The following OSBPL1A variants were observed in gnomAD, a reference collection of about 807,000 sequenced individuals.
OSBPL1A encodes oxysterol-binding protein-related protein 1.
A neutral mutation model predicts 137.1 loss-of-function variants in OSBPL1A; 80 were observed. The observed-to-expected ratio is 0.58, with a 90% CI of 0.49 to 0.70. The LOEUF is 0.70. OSBPL1A is among the 30% of genes least tolerant of loss of function. The probability of loss-of-function intolerance (pLI) is 0.00; values close to 1 mark genes in which losing one functional copy is unlikely to be tolerated. For missense variants in OSBPL1A, 970 were observed against 1,129.4 expected (o/e 0.86, Z 2.02); for synonymous variants, 365 against 389.7 (o/e 0.94, Z 0.75).
At chr18:24,178,482 G>A (rs1025173084) in intron 20 of OSBPL1A, among the ~76,000 whole-genome samples, 6 of 86 alleles carry the variant, frequency 0.07, no homozygotes, top group Non-Finnish European at 0.1. Context: ...AGTAGAGACG[G>A]GGGTTTCATC....
chr18:24,341,436 G>T, intron 5 of OSBPL1A, 111 bp downstream of exon 5: 1 of 687,438 alleles, frequency 1.5e-6, no homozygotes, highest in Non-Finnish European at 2.6e-6. Flanking sequence ...TATCATTAGA[G>T]CATCAGCTGG....
At chr18:24,387,197 T>G (rs888790560) in intron 1 of OSBPL1A, among the ~76,000 whole-genome samples, 4 of 151,920 alleles carry the variant, frequency 2.6e-5, no homozygotes, top group African/African-American at 9.7e-5. Context: ...AGACTACAGG[T>G]GCACACACCA....
chr18:24,248,218 AACAG>A (rs1192042568), intron 15 of OSBPL1A, among the ~76,000 whole-genome samples: 2 of 152,356 alleles, frequency 1.3e-5, no homozygotes, highest in African/African-American at 2.4e-5. Flanking sequence ...GAGAATAAGA[AACAG>A]ACAAAGATGT....
chr18:24,368,478 A>C (rs1414178493), intron 2 of OSBPL1A, 106 bp from the exon 3 acceptor site: 1 of 811,274 alleles, frequency 1.2e-6, no homozygotes, highest in Non-Finnish European at 2.1e-6. Context: ...TTTGCAATGC[A>C]TTGCTGATAA....
Position 24,271,327 on chromosome 18 carries a change from C to A in OSBPL1A, c.1281+9515G>T, listed in dbSNP as rs1201649490. ...CACTCCAGCCCTTCTTGACCTAATA[C>A]CAATATTCAACTGAGAAACACATCA... On this transcript the variant is annotated intron_variant, in intron 15 of 27. Transcript: ENST00000319481. This position sits in a 1 kb window ranked among gnomAD's most constrained non-coding sequence, Gnocchi z 4.0. Among the ~76,000 whole-genome samples the A allele has an allele frequency of 6.6e-6, 1 of 152,176 alleles. No individual in the cohort carries two copies. The highest frequency in any genetic ancestry group is 1.5e-5 in the Non-Finnish European group (1 of 68,026).
At chr18:24,290,620 T>A (rs894775035) in intron 14 of OSBPL1A, among the ~76,000 whole-genome samples, 6 of 151,828 alleles carry the variant, frequency 4.0e-5, no homozygotes, top group African/African-American at 1.2e-4. Context: ...CAGGCGGAGG[T>A]TGCAGTGAGC....
At chr18:24,179,663 C>T (rs1443693909) in intron 20 of OSBPL1A, 75 bp downstream of exon 20, 12 of 1,226,372 alleles carry the variant, frequency 9.8e-6, no homozygotes, top group South Asian at 2.5e-5. Flanking sequence ...AATTGTTATT[C>T]GTGATGACCA....
chr18:24,181,711 C>T (rs1567926003), intron 18 of OSBPL1A, among the ~76,000 whole-genome samples: 2 of 152,150 alleles, frequency 1.3e-5, no homozygotes, highest in African/African-American at 2.4e-5. Context: ...ATAAGCAAAC[C>T]GCTGAAACCC....
chr18:24,306,815 T>C (rs943103204), intron 13 of OSBPL1A, among the ~76,000 whole-genome samples: 21 of 152,178 alleles, frequency 1.4e-4, no homozygotes, highest in Admixed American at 7.2e-4. Flanking sequence ...AACATTATAT[T>C]TCAATATTAA....
At chr18:24,272,259 T>C (rs971151204) in intron 15 of OSBPL1A, 32 of 931,014 alleles carry the variant, frequency 3.4e-5, no homozygotes, top group Admixed American at 1.2e-4. Context: ...TTTTTTCTTT[T>C]TTTTTTTTTT....
intron 18 of OSBPL1A, among the ~76,000 whole-genome samples, chr18:24,185,914 G>C (rs559816890): frequency 4.1e-4 from 63 of 152,130 alleles, no homozygotes; most frequent in Non-Finnish European, 7.2e-4. Flanking sequence ...AAAAAATTTA[G>C]AAAACTAGCT....
intron 14 of OSBPL1A, among the ~76,000 whole-genome samples, chr18:24,290,065 A>G (rs1025199815): frequency 6.6e-6 from 1 of 152,088 alleles, no homozygotes. Context: ...ATGTACAAAA[A>G]AAGGCTATAT....
intron 14 of OSBPL1A, among the ~76,000 whole-genome samples, chr18:24,281,570 CAGT>C (rs1418942372): frequency 6.7e-6 from 1 of 148,842 alleles, no homozygotes; most frequent in Admixed American, 6.7e-5. Flanking sequence ...TTTGTATTTT[CAGT>C]AGAGATGGGG....
intron 23 of OSBPL1A, 46 bp from the exon 24 acceptor site, chr18:24,170,499 T>C: frequency 1.9e-6 from 3 of 1,611,898 alleles, no homozygotes; most frequent in Non-Finnish European, 2.5e-6. Context: ...GTGTTTGTTT[T>C]TTTAAAGCCG....
In OSBPL1A at chr18:24,178,237, A is replaced by G. The variant is rs369758523; in HGVS notation, c.1911-42T>C. 356 of 1,447,366 alleles carry G rather than the reference A, an allele frequency of 2.5e-4. 8 individuals are homozygous for G. In the South Asian group the frequency reaches 4.2e-3, roughly 17 times the overall value. The allele number at this position is 1,447,366 out of a possible 1,614,324, so 89.7% of individuals were successfully genotyped here. A position where few individuals can be genotyped will look rare whatever the true frequency, so the allele number is the denominator to read the frequency against. Reference sequence around the variant, plus strand: ...AAAAAAAAAGAAAAAAAAAAGCAACATTATAATTAACTCTATCATTAAACA... The same window carrying G: ...AAAAAAAAAGAAAAAAAAAAGCAACGTTATAATTAACTCTATCATTAAACA... On this transcript the variant is annotated intron_variant, in intron 20 of 27. Transcript: ENST00000319481.
intron 14 of OSBPL1A, among the ~76,000 whole-genome samples, chr18:24,295,412 T>C (rs2090271001): frequency 6.6e-6 from 1 of 152,218 alleles, no homozygotes; most frequent in African/African-American, 2.4e-5. Context: ...AGCTTTTTAG[T>C]TTAATTAGGT....
intron 4 of OSBPL1A, among the ~76,000 whole-genome samples, chr18:24,354,670 AAAG>A (rs1431877084): frequency 6.6e-6 from 1 of 151,746 alleles, no homozygotes; most frequent in Non-Finnish European, 1.5e-5. Flanking sequence ...AGGAAAGAAA[AAAG>A]AAGAAACAGA....
chr18:24,212,354 G>A (rs1384835675), intron 17 of OSBPL1A, among the ~76,000 whole-genome samples: 6 of 151,922 alleles, frequency 3.9e-5, no homozygotes, highest in Non-Finnish European at 1.5e-5. Flanking sequence ...CACCACGCCC[G>A]GCCTTCAAAA....
intron 15 of OSBPL1A, among the ~76,000 whole-genome samples, chr18:24,274,310 C>T (rs2089796035): frequency 1.3e-5 from 2 of 152,004 alleles, no homozygotes; most frequent in African/African-American, 2.4e-5. Context: ...AAGCCAGTTC[C>T]CATGATCCTG....
Sources: gnomAD v4.1 joint callset for allele counts (sites outside exome capture counted in the v4.1 genomes callset) on GRCh38, gnomAD v4.1.1 for gene constraint, Gnocchi (gnomAD v3.1) non-coding constraint, MANE v1.5 for transcripts, NCBI Gene and HGNC (gene_info 2026-07-23, HGNC 2026-07-21) for gene names.